Variants in HAO2 observed in about 807,000 individuals in gnomAD.
The protein encoded by HAO2 is 2-Hydroxyacid oxidase 2.
In HAO2, 42 loss-of-function variants were observed where a neutral mutation model predicts 37.4. The ratio of observed to expected loss-of-function variants is 1.12; its 90% CI spans 0.88 to 1.45. The LOEUF (loss-of-function observed/expected upper bound fraction) is 1.45, where lower values mean the gene tolerates loss of function less well. HAO2 is among the 40% of genes most tolerant of loss of function. The pLI, the probability that HAO2 is intolerant of heterozygous loss-of-function variation, is 0.00. For missense variants in HAO2, 476 were observed against 430.2 expected, an observed-to-expected ratio of 1.11 and a Z score of -0.94; for synonymous variants, 180 against 162.8, an observed-to-expected ratio of 1.11 and a Z score of -0.81.
chr1:119,388,766 C>T (rs1650589224), intron 5 of HAO2, among the ~76,000 whole-genome samples: 1 of 152,016 alleles, frequency 6.6e-6, no homozygotes, highest in Non-Finnish European at 1.5e-5. Context: ...CATCATTTAT[C>T]TGAGTTTTTT....
intron 1 of HAO2, among the ~76,000 whole-genome samples, chr1:119,376,441 T>C (rs1649477684): frequency 6.6e-6 from 1 of 152,194 alleles, no homozygotes; most frequent in Non-Finnish European, 1.5e-5. Context: ...ATGTTGAGTG[T>C]CTGTGGCTTT....
At chr1:119,378,585 A>T (rs185903473) in intron 1 of HAO2, among the ~76,000 whole-genome samples, 180 of 152,362 alleles carry the variant, frequency 1.2e-3, no homozygotes, top group African/African-American at 4.2e-3. Context: ...GAAATGAGAT[A>T]AAATAGTGTT....
intron 1 of HAO2, among the ~76,000 whole-genome samples, chr1:119,376,754 C>T (rs1032781733): frequency 3.3e-5 from 5 of 152,342 alleles, no homozygotes; most frequent in Middle Eastern, 6.8e-3. Context: ...TGGAAGCTGC[C>T]AAGCTTTGAG....
chr1:119,384,668 T>C (rs1381894759), intron 3 of HAO2, 108 bp from the exon 4 acceptor site: 5 of 827,322 alleles, frequency 6.0e-6, no homozygotes, highest in South Asian at 5.2e-5. Context: ...TTAAGCTTTA[T>C]CTGCATTCAT....
At chr1:119,374,527 A>C (rs1006214283) in intron 1 of HAO2, among the ~76,000 whole-genome samples, 4 of 152,204 alleles carry the variant, frequency 2.6e-5, no homozygotes, top group Admixed American at 2.6e-4. Context: ...AACTTGGCAT[A>C]AGTTCCTAAA....
At chr1:119,381,416 T>C (rs1649930503) in intron 2 of HAO2, among the ~76,000 whole-genome samples, 200 bp downstream of exon 2, 1 of 152,134 alleles carries the variant, frequency 6.6e-6, no homozygotes, top group Non-Finnish European at 1.5e-5. Flanking sequence ...AGGGAATTTC[T>C]GTTATAGCCA....
At chr1:119,385,933 C>T in intron 4 of HAO2, 1 of 970,790 alleles carries the variant, frequency 1.0e-6, no homozygotes, top group Non-Finnish European at 1.2e-6. Context: ...TTGCTTAGTT[C>T]TTATCCTGGG....
At chr1:119,376,384 G>C (rs912384285) in intron 1 of HAO2, among the ~76,000 whole-genome samples, 1 of 152,210 alleles carries the variant, frequency 6.6e-6, no homozygotes, top group African/African-American at 2.4e-5. Flanking sequence ...CTCTGCCTCT[G>C]TGGCTTTTCA....
At position 119,375,864 on chromosome 1, in the gene HAO2, C is replaced by A. The variant is rs138182894; in HGVS notation, c.-8-5214C>A. ...CTATCATGAGAACAGCATGGTGAAA[C>A]CCGCTCCCCCATGATTCAATTACCT... On this transcript the variant is annotated intron_variant, in intron 1 of 7. Coordinates refer to ENST00000325945, the MANE Select transcript of HAO2 (RefSeq NM_016527.4). Among the ~76,000 whole-genome samples, 1,153 of 152,112 alleles carry A rather than the reference C, an allele frequency of 7.6e-3. 15 individuals are homozygous for A. The highest frequency in any genetic ancestry group is 0.027 in the African/African-American group (1,119 of 41,484).
chr1:119,382,806 C>G (rs916934785), intron 2 of HAO2, 109 bp from the exon 3 acceptor site: 39 of 997,714 alleles, frequency 3.9e-5, no homozygotes, highest in Non-Finnish European at 5.0e-5. Context: ...TCCACAGGAC[C>G]CTGTCTGGTT....
At chr1:119,384,737 C>G in intron 3 of HAO2, 39 bp from the exon 4 acceptor site, 1 of 1,597,584 alleles carries the variant, frequency 6.3e-7, no homozygotes, top group African/African-American at 1.3e-5. Context: ...GTCCAGAGGC[C>G]TCTGCCCTCC....
intron 1 of HAO2, among the ~76,000 whole-genome samples, chr1:119,378,781 T>G (rs1007490462): frequency 1.3e-5 from 2 of 152,088 alleles, no homozygotes; most frequent in Non-Finnish European, 2.9e-5. Context: ...GTGTAATGTA[T>G]AGGATATGTG....
chr1:119,392,561 T>G, intron 6 of HAO2, 57 bp from the exon 7 acceptor site: 1 of 1,093,510 alleles, frequency 9.1e-7, no homozygotes, highest in Non-Finnish European at 1.4e-6. Flanking sequence ...TACTAGTGGA[T>G]GGTCAGAATG....
intron 4 of HAO2, 143 bp from the exon 5 acceptor site, chr1:119,386,479 T>A: frequency 1.6e-6 from 1 of 628,354 alleles, no homozygotes; most frequent in Non-Finnish European, 2.8e-6. Flanking sequence ...GTGCTGGGAT[T>A]ACAGGCATGA....
In HAO2 at chr1:119,393,874, G is replaced by T. The variant is rs766678035; in HGVS notation, c.*34G>T. 1.9e-6 allele frequency: 3 copies of T among 1,611,562 alleles called. No homozygotes were observed. The highest frequency in any genetic ancestry group is 2.5e-6 in the Non-Finnish European group (3 of 1,178,114). On this transcript the variant is annotated 3_prime_UTR_variant, in exon 8 of 8. Transcript: ENST00000325945. ...GGCCAATAACCAGACTGCTGAGGTT[G>T]CCCACAGGAGGATCACAAACTCACA... is the stretch of plus-strand genomic sequence containing the variant.
At chr1:119,374,955 C>T (rs1399082850) in intron 1 of HAO2, among the ~76,000 whole-genome samples, 4 of 152,142 alleles carry the variant, frequency 2.6e-5, no homozygotes, top group Non-Finnish European at 2.9e-5. Flanking sequence ...CCTCAGATTT[C>T]CTCCTCTTTG....
At chr1:119,391,970 C>T (rs775033437) in intron 5 of HAO2, 140 bp from the exon 6 acceptor site, 29 of 683,246 alleles carry the variant, frequency 4.2e-5, no homozygotes, top group East Asian at 1.1e-4. Flanking sequence ...AGTTGATCAG[C>T]GCTAGCAGCC....
chr1:119,393,950 A>G lies in HAO2; in HGVS notation c.*110A>G. ...TGGACCCCATTCTGTCCGGAGGCTC[A>G]TGGCCCATATTTCCCACATTTCTAA... On this transcript the variant is annotated 3_prime_UTR_variant, in exon 8 of 8. Transcript: ENST00000325945. 6.4e-7 allele frequency: 1 copy of G among 1,572,578 alleles called. No homozygotes were observed. The highest frequency in any genetic ancestry group is 8.7e-7 in the Non-Finnish European group (1 of 1,152,326).
intron 2 of HAO2, 144 bp downstream of exon 2, chr1:119,381,360 G>C: frequency 2.9e-6 from 2 of 687,222 alleles, no homozygotes; most frequent in South Asian, 3.6e-5. Flanking sequence ...TGTTGTTTTG[G>C]TTTGTTAGGG....
Sources: allele counts gnomAD v4.1 joint callset (sites outside exome capture counted in the v4.1 genomes callset), GRCh38; gene constraint gnomAD v4.1.1; transcripts MANE v1.5; gene names NCBI Gene and HGNC (gene_info 2026-07-23, HGNC 2026-07-21).